Variants in HIP1R observed in about 807,000 individuals in gnomAD.
HIP1R encodes the protein huntingtin-interacting protein 1-related protein.
A neutral mutation model predicts 144.2 loss-of-function variants in HIP1R; 135 were observed. That is an observed-to-expected ratio of 0.94 (90% confidence interval 0.81 to 1.08). The LOEUF (loss-of-function observed/expected upper bound fraction) is 1.08, where lower values mean the gene tolerates loss of function less well. Among genes scored for constraint, HIP1R ranks in the 50% least tolerant of loss-of-function variants. The pLI, the probability that HIP1R is intolerant of heterozygous loss-of-function variation, is 0.00. For synonymous variants in HIP1R, 698 were observed against 612.8 expected, an observed-to-expected ratio of 1.14 and a Z score of -2.05; for missense variants, 1,462 against 1,432.8, an observed-to-expected ratio of 1.02 and a Z score of -0.33.
chr12:122,838,648 C>T (rs895309265), intron 1 of HIP1R, among the ~76,000 whole-genome samples: 10 of 152,156 alleles, frequency 6.6e-5, no homozygotes, highest in African/African-American at 1.7e-4. Flanking sequence ...CCTGTGACTA[C>T]GTTAATGACT....
At chr12:122,854,284 T>C (rs2033492024) in intron 8 of HIP1R, 101 bp downstream of exon 8, 1 of 1,013,206 alleles carries the variant, frequency 9.9e-7, no homozygotes, top group Non-Finnish European at 1.4e-6. Context: ...GTTTATTCAT[T>C]TAAAAATGGC....
chr12:122,845,342 C>T (rs184980510), intron 1 of HIP1R, among the ~76,000 whole-genome samples: 9 of 152,360 alleles, frequency 5.9e-5, no homozygotes, highest in Admixed American at 2.6e-4. Flanking sequence ...CCTTGTGTGG[C>T]GCTCTGAGCC....
At chr12:122,857,753 T>G (rs2033635650) in intron 18 of HIP1R, 3 of 279,490 alleles carry the variant, frequency 1.1e-5, no homozygotes, top group African/African-American at 2.2e-5. Context: ...TATTATTGTC[T>G]TCTTTTTATT....
At chr12:122,835,713 C>T in intron 1 of HIP1R, 70 bp downstream of exon 1, 1 of 983,228 alleles carries the variant, frequency 1.0e-6, no homozygotes. Context: ...CCTGACCCCT[C>T]ACGCGCGAAC....
Position 122,860,940 on chromosome 12 carries a change from C to A in HIP1R, c.2791C>A (p.His931Asn), listed in dbSNP as rs749514313. Residue 931 changes from histidine to asparagine, a missense_variant, in exon 29 of 32, where the codon CAC becomes AAC. This residue lies in a region of HIP1R where 1,112 missense variants were observed against 1,011.7 expected (regional missense o/e 1.10). Transcript: ENST00000253083. ...SKVKANKHSP[H>N]LSRLQECSRT... is the part of the protein sequence containing the mutation. ...GGTGAAGGCCAACAAGCACAGCCCC[C>A]ACCTGAGCCGCCTGCAGGAATGTTC... 2 of 1,612,948 alleles carry A rather than the reference C, an allele frequency of 1.2e-6. No individual in the cohort carries two copies. The highest frequency in any genetic ancestry group is 1.1e-5 in the South Asian group (1 of 91,028).
intron 8 of HIP1R, 23 bp downstream of exon 8, chr12:122,854,206 T>A (rs775185236): frequency 6.2e-6 from 10 of 1,606,474 alleles, no homozygotes; most frequent in Non-Finnish European, 6.8e-6. Flanking sequence ...GGGCAACCCC[T>A]GGCCCGGAAG....
At chr12:122,848,935 G>T in intron 4 of HIP1R, 83 bp downstream of exon 4, 1 of 1,430,838 alleles carries the variant, frequency 7.0e-7, no homozygotes, top group Admixed American at 1.7e-5. Context: ...GCTCCCTGTG[G>T]GCAGTTCCCT....
In HIP1R at chr12:122,860,900, A is replaced by T. The variant is rs2033749275; in HGVS notation, c.2767-16A>T. The T allele has an allele frequency of 6.2e-7, 1 of 1,605,814 alleles. No individual in the cohort carries two copies. The highest frequency in any genetic ancestry group is 8.5e-7 in the Non-Finnish European group (1 of 1,176,704). On this transcript the variant is annotated splice_polypyrimidine_tract_variant and intron_variant, in intron 28 of 31. Coordinates refer to ENST00000253083, the MANE Select transcript of HIP1R (RefSeq NM_003959.3). ...AGCTGGGAGACCTGGGCCCACCCTG[A>T]CCTCTCGCCCCTCAGGTGAAGGCCA... is the stretch of plus-strand genomic sequence containing the variant.
chr12:122,851,230 G>T lies in HIP1R; in HGVS notation c.516-6G>T. On this transcript the variant is annotated splice_polypyrimidine_tract_variant and splice_region_variant and intron_variant, in intron 6 of 31. Transcript: ENST00000253083. ...TTTCATTTCTTCCCCCACTTCTCTTGCGTAGCTTCCAGCTCACTGTGGAGA... is the reference window on the plus strand; with the variant it reads ...TTTCATTTCTTCCCCCACTTCTCTTTCGTAGCTTCCAGCTCACTGTGGAGA... The T allele has an allele frequency of 6.6e-7, 1 of 1,505,528 alleles. No individual in the cohort carries two copies. The highest frequency in any genetic ancestry group is 8.8e-7 in the Non-Finnish European group (1 of 1,133,374). 93.3% of individuals were successfully genotyped at this position (1,505,528 alleles called of 1,614,324 possible).
At chr12:122,839,921 A>C (rs2033011189) in intron 1 of HIP1R, among the ~76,000 whole-genome samples, 1 of 152,222 alleles carries the variant, frequency 6.6e-6, no homozygotes, top group South Asian at 2.1e-4. Flanking sequence ...CGTGCCGGAC[A>C]ATGCAAGTGT....
chr12:122,851,275 T>C lies in HIP1R; in HGVS notation c.555T>C (p.Cys185=). The C allele has an allele frequency of 6.4e-7, 1 of 1,554,768 alleles. No individual in the cohort carries two copies. The highest frequency in any genetic ancestry group is 1.2e-5 in the South Asian group (1 of 81,794). Residue 185 remains cysteine, a synonymous_variant, in exon 7 of 32, where the codon TGT becomes TGC. Transcript: ENST00000253083. ...TGGAGATGTTTGATTACATGGATTGTGAGCTGAAGCTTTCTGAATCAGGTG... is the reference window on the plus strand; with the variant it reads ...TGGAGATGTTTGATTACATGGATTGCGAGCTGAAGCTTTCTGAATCAGGTG... ...LTVEMFDYMD[C]ELKLSESVFR... is the part of the protein sequence containing the mutation.
At chr12:122,861,670 C>T in intron 31 of HIP1R, 36 bp from the exon 32 acceptor site, 1 of 1,612,268 alleles carries the variant, frequency 6.2e-7, no homozygotes, top group Non-Finnish European at 8.5e-7. Flanking sequence ...AGGTGCCTGG[C>T]TGTGACCACT....
Position 122,861,967 on chromosome 12 carries a change from A to AGAAGGAACTTTG in HIP1R, c.*216_*227dup. The AGAAGGAACTTTG allele has an allele frequency of 3.7e-6, 2 of 541,832 alleles. No individual in the cohort carries two copies. Among genetic ancestry groups the AGAAGGAACTTTG allele is most frequent in the Non-Finnish European group, 6.5e-6 (2 of 307,532 alleles). 33.6% of individuals were successfully genotyped at this position (541,832 alleles called of 1,614,324 possible). On this transcript the variant is annotated 3_prime_UTR_variant, in exon 32 of 32. Coordinates refer to ENST00000253083, the MANE Select transcript of HIP1R (RefSeq NM_003959.3). Reference sequence around the variant, plus strand: ...GGATGTGAGTCTCTTATTTATCTGCAGAAGGAACTTTGGGGTGCAGCCAGG... The same window carrying AGAAGGAACTTTG: ...GGATGTGAGTCTCTTATTTATCTGCAGAAGGAACTTTGGAAGGAACTTTGGGGTGCAGCCAGG...
chr12:122,851,902 G>T (rs2033410894), intron 7 of HIP1R, among the ~76,000 whole-genome samples: 1 of 152,174 alleles, frequency 6.6e-6, no homozygotes, highest in African/African-American at 2.4e-5. Context: ...ACCTTGCCAG[G>T]TTCCTGCCCC....
Position 122,859,057 on chromosome 12 carries a change from C to G in HIP1R, c.2159-4C>G. The G allele has an allele frequency of 6.2e-7, 1 of 1,606,370 alleles. No homozygotes were observed. The highest frequency in any genetic ancestry group is 8.5e-7 in the Non-Finnish European group (1 of 1,176,964). On this transcript the variant is annotated splice_polypyrimidine_tract_variant and splice_region_variant and intron_variant, in intron 21 of 31. Coordinates refer to ENST00000253083, the MANE Select transcript of HIP1R (RefSeq NM_003959.3). ...GCTCCACTCACGGTCCTTTCTCACC[C>G]CAGGCCTCATAGACACCTGCAGGGA... is the stretch of plus-strand genomic sequence containing the variant.
In HIP1R at chr12:122,859,461, G is replaced by T; in HGVS notation, c.2331G>T (p.Glu777Asp). The T allele has an allele frequency of 6.2e-7, 1 of 1,613,516 alleles. No individual in the cohort carries two copies. Among genetic ancestry groups the T allele is most frequent in the Non-Finnish European group, 8.5e-7 (1 of 1,179,972 alleles). ...LKPKSLDVRQ[E>D]ELGAVVDKEM... Reference sequence around the variant, plus strand: ...CCAAGAGCCTAGATGTGCGGCAGGAGGAGCTGGGGGCCGTGGTCGACAAGG... The same window carrying T: ...CCAAGAGCCTAGATGTGCGGCAGGATGAGCTGGGGGCCGTGGTCGACAAGG... Residue 777 changes from glutamate to aspartate, a missense_variant, in exon 23 of 32, where the codon GAG becomes GAT. By Grantham distance (45) the Glu-to-Asp change is conservative. Coordinates refer to ENST00000253083, the MANE Select transcript of HIP1R (RefSeq NM_003959.3).
chr12:122,860,700 G>A lies in HIP1R; in HGVS notation c.2682G>A (p.Val894=). The A allele has an allele frequency of 6.2e-7, 1 of 1,613,388 alleles. No individual in the cohort carries two copies. Among genetic ancestry groups the A allele is most frequent in the East Asian group, 2.2e-5 (1 of 44,868 alleles). Residue 894 remains valine (V), a synonymous_variant, in exon 28 of 32, where the codon GTG becomes GTA. Transcript: ENST00000253083. ...GCAGGGAGGCAGCTGACAAGGTGGT[G>A]CTTCACACGGGCAAGTATGAGGAGC... ...TQLVEAADKV[V]LHTGKYEELI... is the part of the protein sequence containing the mutation.
chr12:122,861,296 G>A lies in HIP1R; in HGVS notation c.2953-12G>A, dbSNP rs375327116. The A allele has an allele frequency of 1.3e-4, 214 of 1,613,646 alleles. 1 individual carries two copies. Among genetic ancestry groups the A allele is most frequent in the South Asian group, 1.3e-3 (119 of 91,084 alleles). ...GAGGCTGGGCTGGGCTGAGCAGGCC[G>A]TGTGGCTACAGGTGCGTGTCCTGGA... On this transcript the variant is annotated splice_polypyrimidine_tract_variant and intron_variant, in intron 30 of 31. Coordinates refer to ENST00000253083, the MANE Select transcript of HIP1R (RefSeq NM_003959.3).
In HIP1R at chr12:122,841,182, C is replaced by T. The variant is rs367850412; in HGVS notation, c.93+5539C>T. Among the ~76,000 whole-genome samples the T allele has an allele frequency of 2.0e-4, 30 of 152,312 alleles. 1 individual carries two copies. In the South Asian group the frequency reaches 4.3e-3, roughly 22 times the overall value. ...GATGCTAACTTGAATATCACCTCCTCTGTGCAGCCACCCGCTGCCGTCCTC... is the reference window on the plus strand; with the variant it reads ...GATGCTAACTTGAATATCACCTCCTTTGTGCAGCCACCCGCTGCCGTCCTC... On this transcript the variant is annotated intron_variant, in intron 1 of 31. Transcript: ENST00000253083.
Sources: gnomAD v4.1 joint callset for allele counts (sites outside exome capture counted in the v4.1 genomes callset) on GRCh38, gnomAD v4.1.1 for gene constraint, gnomAD v4.1.1 regional missense constraint, MANE v1.5 for transcripts, NCBI Gene and HGNC (gene_info 2026-07-23, HGNC 2026-07-21) for gene names.